TMEM132B: variants seen among roughly 807,000 people sequenced by gnomAD.
TMEM132B encodes transmembrane protein 132B.
Under a neutral mutation model 90.8 loss-of-function variants are expected in TMEM132B, and 18 were observed. The ratio of observed to expected loss-of-function variants is 0.20; its 90% CI spans 0.14 to 0.29. The LOEUF (loss-of-function observed/expected upper bound fraction) is 0.29. Ranked by LOEUF, TMEM132B falls within the 10% of genes least tolerant of loss-of-function variation. The pLI, the probability that TMEM132B is intolerant of heterozygous loss-of-function variation, is 1.00. For synonymous variants in TMEM132B, 504 were observed against 523.3 expected (o/e 0.96, Z 0.50); for missense variants, 1,096 against 1,326.8 (o/e 0.83, Z 2.70).
At position 125,220,835 on chromosome 12, in the gene TMEM132B, G is replaced by A. The variant is rs561219386; in HGVS notation, c.67+33969G>A. ...CAAACCCTTCCACGGCTCCCAGCTC[G>A]CTCAGAGTAAAAACCCACAGTCCTG... On this transcript the variant is annotated intron_variant, in intron 1 of 8. Coordinates refer to ENST00000682704, the MANE Select transcript of TMEM132B (RefSeq NM_001366854.1). Among the ~76,000 whole-genome samples the A allele has an allele frequency of 1.7e-4, 26 of 152,286 alleles. No individual in the cohort carries two copies. In the South Asian group the frequency reaches 1.9e-3, roughly 11 times the overall value.
intron 5 of TMEM132B, among the ~76,000 whole-genome samples, chr12:125,592,434 G>A (rs1442903512): frequency 6.6e-6 from 1 of 152,116 alleles, no homozygotes; most frequent in Non-Finnish European, 1.5e-5. Context: ...GATGTTAAAT[G>A]GCTAATAAAG....
chr12:125,443,307 C>T (rs568952527), intron 3 of TMEM132B, among the ~76,000 whole-genome samples: 4 of 152,284 alleles, frequency 2.6e-5, no homozygotes, highest in Admixed American at 2.0e-4. Flanking sequence ...AGAAGAGGGC[C>T]AGTTGTAATT....
At chr12:125,308,741 T>G (rs911845909) in intron 1 of TMEM132B, among the ~76,000 whole-genome samples, 1 of 152,012 alleles carries the variant, frequency 6.6e-6, no homozygotes, top group Non-Finnish European at 1.5e-5. Context: ...TTTTGTCACT[T>G]TTGCAGCAGG....
At chr12:125,517,109 C>A (rs1883179283) in intron 3 of TMEM132B, among the ~76,000 whole-genome samples, 1 of 151,926 alleles carries the variant, frequency 6.6e-6, no homozygotes, top group Non-Finnish European at 1.5e-5. Flanking sequence ...TGTGTGCACA[C>A]TTTCAGTCCT....
chr12:125,191,573 C>T (rs922611310), intron 1 of TMEM132B, among the ~76,000 whole-genome samples: 9 of 152,188 alleles, frequency 5.9e-5, no homozygotes, highest in Non-Finnish European at 1.3e-4. Flanking sequence ...GGTGGGTAGT[C>T]GTTAAGCTCC....
At chr12:125,609,847 A>T (rs1006393798) in intron 5 of TMEM132B, among the ~76,000 whole-genome samples, 1 of 139,482 alleles carries the variant, frequency 7.2e-6, no homozygotes, top group African/African-American at 2.7e-5. Context: ...AAAAAAAAAG[A>T]ATATTGGATC....
intron 1 of TMEM132B, among the ~76,000 whole-genome samples, chr12:125,256,923 G>A (rs992715211): frequency 7.9e-5 from 12 of 152,150 alleles, no homozygotes; most frequent in Admixed American, 2.0e-4. Context: ...TGCTTCTCAG[G>A]AGCAATTCCA....
intron 5 of TMEM132B, among the ~76,000 whole-genome samples, chr12:125,609,795 C>A (rs566678390): frequency 1.4e-4 from 15 of 110,062 alleles, no homozygotes; most frequent in African/African-American, 5.1e-4. Context: ...CCAGCCTGGG[C>A]GACAGAGTGA....
rs113198571 is a variant in TMEM132B at position 125,388,478 on chromosome 12, G to A, written c.960-27053G>A. Among the ~76,000 whole-genome samples the A allele has an allele frequency of 2.7e-3, 410 of 152,220 alleles. 4 individuals are homozygous for A. The highest frequency in any genetic ancestry group is 9.5e-3 in the African/African-American group (394 of 41,542). On this transcript the variant is annotated intron_variant, in intron 2 of 8. Coordinates refer to ENST00000682704, the MANE Select transcript of TMEM132B (RefSeq NM_001366854.1). ...AAACAAAAACCTGTTGTCCCGTATG[G>A]TTTAATTGCCAGCTTCCTTCAACCT... is the stretch of plus-strand genomic sequence containing the variant.
chr12:125,428,235 C>T (rs1880385195), intron 3 of TMEM132B, among the ~76,000 whole-genome samples: 1 of 152,048 alleles, frequency 6.6e-6, no homozygotes, highest in Non-Finnish European at 1.5e-5. Flanking sequence ...TTCAAGTGAT[C>T]CTCCTGCCTC....
rs368420315 is a variant in TMEM132B at position 125,326,632 on chromosome 12, T to C, written c.68-22820T>C. The C allele has an allele frequency of 2.1e-5, 33 of 1,607,262 alleles. 1 individual carries two copies. The highest frequency in any genetic ancestry group is 2.7e-5 in the Non-Finnish European group (32 of 1,177,896). On this transcript the variant is annotated intron_variant, in intron 1 of 8. Coordinates refer to ENST00000682704, the MANE Select transcript of TMEM132B (RefSeq NM_001366854.1). ...TCCAGACTCTACGGGAAATGTTTGGTGCAGCATCCAGAATGGACACCACTG... is the reference window on the plus strand; with the variant it reads ...TCCAGACTCTACGGGAAATGTTTGGCGCAGCATCCAGAATGGACACCACTG...
intron 1 of TMEM132B, among the ~76,000 whole-genome samples, chr12:125,202,305 A>C (rs891092299): frequency 6.6e-6 from 1 of 152,258 alleles, no homozygotes; most frequent in Non-Finnish European, 1.5e-5. Flanking sequence ...TAACAGCTTA[A>C]AGCAGCACAC....
At chr12:125,522,497 C>A (rs1323714530) in intron 4 of TMEM132B, among the ~76,000 whole-genome samples, 2 of 152,170 alleles carry the variant, frequency 1.3e-5, no homozygotes, top group Admixed American at 1.3e-4. Context: ...CCTATCCCCC[C>A]AAAGCAACAT....
chr12:125,402,051 T>C (rs139920808), intron 2 of TMEM132B, among the ~76,000 whole-genome samples: 49 of 152,346 alleles, frequency 3.2e-4, no homozygotes, highest in African/African-American at 1.1e-3. Flanking sequence ...AGGATCCGTT[T>C]AGCGGAAATA....
chr12:125,194,552 C>T (rs995708810), intron 1 of TMEM132B, among the ~76,000 whole-genome samples: 20 of 152,128 alleles, frequency 1.3e-4, no homozygotes, highest in Non-Finnish European at 8.8e-5. Context: ...CCGGAGTCTG[C>T]GGCTCTTTGT....
intron 1 of TMEM132B, among the ~76,000 whole-genome samples, chr12:125,333,242 T>C (rs1442326046): frequency 6.6e-6 from 1 of 152,246 alleles, no homozygotes; most frequent in East Asian, 1.9e-4. Context: ...CTTTCTCTTA[T>C]AAGGACGTCT....
chr12:125,207,846 T>C (rs1873218473), intron 1 of TMEM132B, among the ~76,000 whole-genome samples: 1 of 152,254 alleles, frequency 6.6e-6, no homozygotes, highest in Non-Finnish European at 1.5e-5. Flanking sequence ...CTTATTTCAC[T>C]TAACATTGTA....
chr12:125,260,547 T>C (rs985561861), intron 1 of TMEM132B, among the ~76,000 whole-genome samples: 1 of 151,300 alleles, frequency 6.6e-6, no homozygotes, highest in Non-Finnish European at 1.5e-5. Context: ...CAAGGTCTTG[T>C]TATGTTGCCC....
intron 3 of TMEM132B, among the ~76,000 whole-genome samples, chr12:125,419,589 GA>G (rs1880115752): frequency 6.6e-6 from 1 of 152,166 alleles, no homozygotes. Context: ...TACAATTTAA[GA>G]TGAGATTTGG....
Sources: gnomAD v4.1 joint callset for allele counts (sites outside exome capture counted in the v4.1 genomes callset) on GRCh38, gnomAD v4.1.1 for gene constraint, MANE v1.5 for transcripts, NCBI Gene and HGNC (gene_info 2026-07-23, HGNC 2026-07-21) for gene names.